KCNK12: variants seen among roughly 807,000 people sequenced by gnomAD.
KCNK12 encodes the protein potassium two pore domain channel subfamily K member 12, also known as potassium channel subfamily K member 12.
A neutral mutation model predicts 25.3 loss-of-function variants in KCNK12; 6 were observed. The ratio of observed to expected loss-of-function variants is 0.24; its 90% CI spans 0.13 to 0.47. The LOEUF (loss-of-function observed/expected upper bound fraction) is 0.47. Among genes scored for constraint, KCNK12 ranks in the 20% least tolerant of loss-of-function variants. The probability of loss-of-function intolerance (pLI) is 0.99; values close to 1 mark genes in which losing one functional copy is unlikely to be tolerated. For missense variants in KCNK12, 444 were observed against 661.7 expected (o/e 0.67, Z 3.61); for synonymous variants, 331 against 311.1 (o/e 1.06, Z -0.67).
chr2:47,530,529 TAAC>T lies in KCNK12; in HGVS notation c.392-8724_392-8722del, dbSNP rs139220092. On this transcript the variant is annotated intron_variant, in intron 1 of 1. Transcript: ENST00000327876. ...AGGACTGAAAATGCGGAGGGTATAA[TAAC>T]TGCTGTTGTGTATCGAGCCTCACTA... Among the ~76,000 whole-genome samples, 330 of 152,296 alleles carry T rather than the reference TAAC, an allele frequency of 2.2e-3. 2 individuals carry two copies. Among genetic ancestry groups the T allele is most frequent in the African/African-American group, 7.6e-3 (318 of 41,570 alleles).
intron 1 of KCNK12, among the ~76,000 whole-genome samples, chr2:47,527,243 T>C (rs1371429913): frequency 6.6e-6 from 1 of 151,936 alleles, no homozygotes; most frequent in Non-Finnish European, 1.5e-5. Context: ...CTGCTCAGAG[T>C]TGTGACTCCC....
intron 1 of KCNK12, among the ~76,000 whole-genome samples, chr2:47,530,244 C>A (rs573049472): frequency 5.9e-5 from 9 of 152,156 alleles, no homozygotes; most frequent in African/African-American, 2.2e-4. Context: ...CAGCCTGCTC[C>A]GTGGCTGGAA....
In KCNK12 at chr2:47,514,813, T is replaced by A. The variant is rs139630005; in HGVS notation, c.*6094A>T. Among the ~76,000 whole-genome samples, 11 of 152,212 alleles carry A rather than the reference T, an allele frequency of 7.2e-5. No homozygotes were observed. The East Asian group carries it at 2.1e-3, about 29-fold the overall frequency. ...TTTTAGTAAAGACAGGGTTTCGACA[T>A]GTTGCCTAGGCTGGTCTCGAACTCC... On this transcript the variant is annotated 3_prime_UTR_variant, in exon 2 of 2. Coordinates refer to ENST00000327876, the MANE Select transcript of KCNK12 (RefSeq NM_022055.2). This position sits in a 1 kb window ranked among gnomAD's most constrained non-coding sequence, Gnocchi z 5.0.
intron 1 of KCNK12, among the ~76,000 whole-genome samples, chr2:47,524,274 A>G (rs1033725606): frequency 1.3e-5 from 2 of 152,252 alleles, no homozygotes; most frequent in African/African-American, 4.8e-5. Flanking sequence ...GAGTGGGAGT[A>G]TATGTGTATA....
Position 47,525,970 on chromosome 2 carries a change from G to A in KCNK12, c.392-4162C>T, listed in dbSNP as rs1449501989. The stretch of plus-strand genomic sequence containing the variant: ...ATGCCCCATCCACTGCGGGTCCCCT[G>A]AGCCATGTGTCAGCCCAGAGCTAGA... On this transcript the variant is annotated intron_variant, in intron 1 of 1. Coordinates refer to ENST00000327876, the MANE Select transcript of KCNK12 (RefSeq NM_022055.2). This position sits in a 1 kb window ranked among gnomAD's most constrained non-coding sequence, Gnocchi z 4.1. Among the ~76,000 whole-genome samples, 1 of 152,222 alleles carries A rather than the reference G, an allele frequency of 6.6e-6. No individual in the cohort carries two copies. Among genetic ancestry groups the A allele is most frequent in the Non-Finnish European group, 1.5e-5 (1 of 68,040 alleles).
At chr2:47,530,265 G>C (rs751590287) in intron 1 of KCNK12, among the ~76,000 whole-genome samples, 1 of 152,134 alleles carries the variant, frequency 6.6e-6, no homozygotes, top group African/African-American at 2.4e-5. Context: ...CTGCGACATC[G>C]CCTCTCTGGG....
At chr2:47,546,416 A>C (rs969424844) in intron 1 of KCNK12, among the ~76,000 whole-genome samples, 9 of 152,248 alleles carry the variant, frequency 5.9e-5, no homozygotes, top group Non-Finnish European at 1.2e-4. Flanking sequence ...CTGTGAAACT[A>C]TTCCTCGCAT....
rs934201465 is a variant in KCNK12 at position 47,533,295 on chromosome 2, G to A, written c.392-11487C>T. 3.9e-5 allele frequency among the ~76,000 whole-genome samples: 6 copies of A among 152,140 alleles called. No homozygotes were observed. The highest frequency in any genetic ancestry group is 7.4e-5 in the Non-Finnish European group (5 of 68,020). On this transcript the variant is annotated intron_variant, in intron 1 of 1. Coordinates refer to ENST00000327876, the MANE Select transcript of KCNK12 (RefSeq NM_022055.2). This position sits in a 1 kb window ranked among gnomAD's most constrained non-coding sequence, Gnocchi z 4.7. ...CAAAGTGCTGGGATTACATGAGTGC[G>A]CCACTGTGCCCGGCCCACTGCCCTA...
At chr2:47,531,016 A>G (rs560390154) in intron 1 of KCNK12, among the ~76,000 whole-genome samples, 3 of 152,328 alleles carry the variant, frequency 2.0e-5, no homozygotes, top group South Asian at 2.1e-4. Flanking sequence ...AAGAGCAGCA[A>G]TTCTCAATTC....
intron 1 of KCNK12, among the ~76,000 whole-genome samples, chr2:47,542,864 G>T (rs756770151): frequency 3.0e-4 from 45 of 152,198 alleles, no homozygotes; most frequent in Non-Finnish European, 5.7e-4. Context: ...TTATACTTCT[G>T]GGCCAACAAA....
Position 47,519,458 on chromosome 2 carries a change from G to C in KCNK12, c.*1449C>G, listed in dbSNP as rs1668598701. On this transcript the variant is annotated 3_prime_UTR_variant, in exon 2 of 2. Coordinates refer to ENST00000327876, the MANE Select transcript of KCNK12 (RefSeq NM_022055.2). Reference sequence around the variant, plus strand: ...TCACGCCGTGCCTGTATAAACTCTGGCACCTGTCCTTGCCCTCATCATATA... The same window carrying C: ...TCACGCCGTGCCTGTATAAACTCTGCCACCTGTCCTTGCCCTCATCATATA... 1 of 152,104 alleles carries C rather than the reference G, an allele frequency of 6.6e-6. No individual in the cohort carries two copies. Among genetic ancestry groups the C allele is most frequent in the African/African-American group, 2.4e-5 (1 of 41,404 alleles). The allele number at this position is 152,104 out of a possible 1,614,324, so 9.4% of individuals were successfully genotyped here. A position where few individuals can be genotyped will look rare whatever the true frequency, so the allele number is the denominator to read the frequency against.
intron 1 of KCNK12, among the ~76,000 whole-genome samples, chr2:47,568,995 G>T (rs949876264): frequency 1.3e-5 from 2 of 152,012 alleles, no homozygotes; most frequent in African/African-American, 4.8e-5. Context: ...AGTGAGAGGA[G>T]AGGAAGAAAG....
Position 47,512,501 on chromosome 2 carries a change from A to T in KCNK12, c.*8406T>A, listed in dbSNP as rs1458105518. The T allele has an allele frequency of 6.7e-7, 1 of 1,482,974 alleles. No individual in the cohort carries two copies. The highest frequency in any genetic ancestry group is 9.0e-7 in the Non-Finnish European group (1 of 1,105,574). The allele number at this position is 1,482,974 out of a possible 1,614,324, so 91.9% of individuals were successfully genotyped here. A position where few individuals can be genotyped will look rare whatever the true frequency, so the allele number is the denominator to read the frequency against. Reference sequence around the variant, plus strand: ...TTCTACAAACATCCCTTCTGTAAACATTTCCCTCAAAATGGAGCAGGAAGC... The same window carrying T: ...TTCTACAAACATCCCTTCTGTAAACTTTTCCCTCAAAATGGAGCAGGAAGC... On this transcript the variant is annotated 3_prime_UTR_variant, in exon 2 of 2. Coordinates refer to ENST00000327876, the MANE Select transcript of KCNK12 (RefSeq NM_022055.2).
chr2:47,563,327 T>C (rs1171384311), intron 1 of KCNK12: 5 of 233,610 alleles, frequency 2.1e-5, no homozygotes, highest in Admixed American at 5.6e-5. Flanking sequence ...CTGGATTCTC[T>C]ACTTGTCTAT....
intron 1 of KCNK12, among the ~76,000 whole-genome samples, chr2:47,550,459 T>G (rs1434090130): frequency 6.7e-6 from 1 of 149,272 alleles, no homozygotes; most frequent in Non-Finnish European, 1.5e-5. Flanking sequence ...CTTGGCTCTC[T>G]GCAACCTCTG....
intron 1 of KCNK12, chr2:47,563,365 G>A (rs1669723105): frequency 4.3e-6 from 1 of 233,598 alleles, no homozygotes; most frequent in African/African-American, 2.2e-5. Context: ...GTGTCTGTGT[G>A]TGCTGTTTGT....
intron 1 of KCNK12, among the ~76,000 whole-genome samples, chr2:47,539,490 A>G (rs1669147339): frequency 1.3e-5 from 2 of 152,080 alleles, no homozygotes; most frequent in Admixed American, 1.3e-4. Flanking sequence ...AGACCAGGAG[A>G]GTAGCCAAAA....
intron 1 of KCNK12, among the ~76,000 whole-genome samples, chr2:47,545,263 C>T (rs1669289608): frequency 6.6e-6 from 1 of 152,072 alleles, no homozygotes; most frequent in Non-Finnish European, 1.5e-5. Flanking sequence ...CAGGGATGCT[C>T]CAGGCAGGGA....
At chr2:47,527,103 A>C (rs1429367446) in intron 1 of KCNK12, among the ~76,000 whole-genome samples, 1 of 152,230 alleles carries the variant, frequency 6.6e-6, no homozygotes, top group African/African-American at 2.4e-5. Context: ...CTAGCATCTA[A>C]AGTTCATGCT....
Sources: allele counts gnomAD v4.1 joint callset (sites outside exome capture counted in the v4.1 genomes callset), GRCh38; gene constraint gnomAD v4.1.1; non-coding constraint Gnocchi (gnomAD v3.1); transcripts MANE v1.5; gene names NCBI Gene and HGNC (gene_info 2026-07-23, HGNC 2026-07-21).